CA8: variants seen among roughly 807,000 people sequenced by gnomAD.
The protein encoded by CA8 is carbonic anhydrase 8 (inactive).
Under a neutral mutation model 41.4 loss-of-function variants are expected in CA8, and 22 were observed. That is an observed-to-expected ratio of 0.53 (90% CI 0.38 to 0.76). The LOEUF is 0.76. Among genes scored for constraint, CA8 ranks in the 30% least tolerant of loss-of-function variants. The pLI, the probability that CA8 is intolerant of heterozygous loss-of-function variation, is 0.00. For synonymous variants in CA8, 121 were observed against 130.6 expected (o/e 0.93, Z 0.50); for missense variants, 270 against 352.8 (o/e 0.77, Z 1.88).
chr8:60,273,421 T>C (rs1003802964), intron 2 of CA8, among the ~76,000 whole-genome samples: 6 of 152,204 alleles, frequency 3.9e-5, no homozygotes, highest in Non-Finnish European at 8.8e-5. Flanking sequence ...GGGTCTGAGA[T>C]GGGAGGCTAC....
At chr8:60,202,358 A>G (rs975276415) in intron 8 of CA8, among the ~76,000 whole-genome samples, 2 of 151,866 alleles carry the variant, frequency 1.3e-5, no homozygotes, top group Non-Finnish European at 2.9e-5. Context: ...GCCAGGACTC[A>G]GTTTCTTTAT....
chr8:60,271,486 G>C (rs1003580594), intron 2 of CA8, among the ~76,000 whole-genome samples: 6 of 152,122 alleles, frequency 3.9e-5, no homozygotes, highest in Non-Finnish European at 7.3e-5. Flanking sequence ...AAATCAGCAA[G>C]GTTGCCAAGA....
chr8:60,235,253 C>T (rs1205395449), intron 3 of CA8, among the ~76,000 whole-genome samples: 1 of 152,128 alleles, frequency 6.6e-6, no homozygotes, highest in Non-Finnish European at 1.5e-5. Flanking sequence ...TATAGATGGC[C>T]ACCTTCTCCC....
chr8:60,265,787 A>T, intron 3 of CA8, 138 bp downstream of exon 3: 1 of 954,698 alleles, frequency 1.0e-6, no homozygotes, highest in Non-Finnish European at 1.6e-6. Flanking sequence ...CCATTGCATT[A>T]AGCATTTTTT....
chr8:60,280,766 T>C (rs1301947399), intron 1 of CA8, among the ~76,000 whole-genome samples: 1 of 152,260 alleles, frequency 6.6e-6, no homozygotes, highest in Non-Finnish European at 1.5e-5. Flanking sequence ...GCTTGGAGGC[T>C]AGCCCGCCCT....
intron 3 of CA8, among the ~76,000 whole-genome samples, chr8:60,238,138 AG>A: frequency 6.6e-6 from 1 of 152,226 alleles, no homozygotes; most frequent in Non-Finnish European, 1.5e-5. Flanking sequence ...CTCACAGAAT[AG>A]ATAAATTTGT....
At chr8:60,245,725 A>T (rs1452707098) in intron 3 of CA8, among the ~76,000 whole-genome samples, 11 of 152,174 alleles carry the variant, frequency 7.2e-5, no homozygotes, top group Non-Finnish European at 1.0e-4. Flanking sequence ...TCTTTGATTG[A>T]GGTGGAACTT....
At chr8:60,243,804 T>C (rs1808127551) in intron 3 of CA8, among the ~76,000 whole-genome samples, 1 of 152,138 alleles carries the variant, frequency 6.6e-6, no homozygotes, top group African/African-American at 2.4e-5. Context: ...TCAACAGCAG[T>C]TCCATCGCAG....
chr8:60,226,972 T>C, intron 4 of CA8, 37 bp from the exon 5 acceptor site: 1 of 1,440,520 alleles, frequency 6.9e-7, no homozygotes, highest in Non-Finnish European at 9.8e-7. Flanking sequence ...ACCACAACAT[T>C]TTTCAGTGTT....
intron 7 of CA8, among the ~76,000 whole-genome samples, chr8:60,217,528 C>G (rs1239588375): frequency 6.6e-6 from 1 of 152,194 alleles, no homozygotes; most frequent in African/African-American, 2.4e-5. Flanking sequence ...TTCTCTGAAT[C>G]AGTTCTTTTC....
rs147838807 is a variant in CA8 at position 60,225,442 on chromosome 8, G to A, written c.577-857C>T. ...TTCCATAATGACTGGTGTCCTATTAGATGATGAAATAAAGGAAATTTTCTC... is the reference window on the plus strand; with the variant it reads ...TTCCATAATGACTGGTGTCCTATTAAATGATGAAATAAAGGAAATTTTCTC... On this transcript the variant is annotated intron_variant, in intron 5 of 8. Coordinates refer to ENST00000317995, the MANE Select transcript of CA8 (RefSeq NM_004056.6). 2.2e-4 allele frequency among the ~76,000 whole-genome samples: 34 copies of A among 152,238 alleles called. No individual in the cohort carries two copies. In the Middle Eastern group the frequency reaches 0.014, roughly 61 times the overall value.
chr8:60,223,517 T>C (rs1403044236), intron 6 of CA8, among the ~76,000 whole-genome samples: 1 of 152,232 alleles, frequency 6.6e-6, no homozygotes, highest in African/African-American at 2.4e-5. Context: ...ACTCTTGGCC[T>C]CAAGCAATCC....
intron 3 of CA8, among the ~76,000 whole-genome samples, chr8:60,251,241 C>A (rs917996977): frequency 6.6e-6 from 1 of 152,132 alleles, no homozygotes; most frequent in African/African-American, 2.4e-5. Flanking sequence ...AAGGCAAAGT[C>A]CCCTAGGTGG....
rs1805941046 is a variant in CA8 at position 60,185,561 on chromosome 8, T to C, written c.*4460A>G. Among the ~76,000 whole-genome samples, 1 of 152,134 alleles carries C rather than the reference T, an allele frequency of 6.6e-6. No individual in the cohort carries two copies. Among genetic ancestry groups the C allele is most frequent in the Non-Finnish European group, 1.5e-5 (1 of 68,028 alleles). On this transcript the variant is annotated 3_prime_UTR_variant, in exon 9 of 9. Transcript: ENST00000317995. The stretch of plus-strand genomic sequence containing the variant: ...GAAATCTGGGGCAGGGGGGAAACCA[T>C]TTGTTTTTGAAAGCAGAAACAGAAA...
chr8:60,221,957 T>C (rs1250591659), intron 7 of CA8, among the ~76,000 whole-genome samples: 3 of 152,262 alleles, frequency 2.0e-5, no homozygotes, highest in South Asian at 2.1e-4. Context: ...GAAGAAACAA[T>C]ATAGCTCTCC....
intron 3 of CA8, among the ~76,000 whole-genome samples, chr8:60,245,135 C>T (rs1313564761): frequency 1.3e-5 from 2 of 152,154 alleles, no homozygotes; most frequent in Non-Finnish European, 2.9e-5. Flanking sequence ...ATTAACTCCA[C>T]GGCCATGAGA....
chr8:60,253,349 T>C (rs1808515494), intron 3 of CA8, among the ~76,000 whole-genome samples: 1 of 152,140 alleles, frequency 6.6e-6, no homozygotes, highest in South Asian at 2.1e-4. Flanking sequence ...CCAACTCCCT[T>C]TTTTTTCTAT....
chr8:60,260,359 A>T (rs1585917470), intron 3 of CA8, among the ~76,000 whole-genome samples: 1 of 152,026 alleles, frequency 6.6e-6, no homozygotes, highest in African/African-American at 2.4e-5. Context: ...AGCCACTCTA[A>T]CTTCACAGCC....
chr8:60,277,406 A>G (rs527649642), intron 2 of CA8, among the ~76,000 whole-genome samples: 1 of 151,308 alleles, frequency 6.6e-6, no homozygotes, highest in Non-Finnish European at 1.5e-5. Context: ...CAGGCTGGAG[A>G]GCAATGGCGC....
Sources: allele counts gnomAD v4.1 joint callset (sites outside exome capture counted in the v4.1 genomes callset), GRCh38; gene constraint gnomAD v4.1.1; transcripts MANE v1.5; gene names NCBI Gene and HGNC (gene_info 2026-07-23, HGNC 2026-07-21).